Variants in MAP7 observed in about 807,000 individuals in gnomAD.
The protein encoded by MAP7 is microtubule associated protein 7.
A neutral mutation model predicts 94.8 loss-of-function variants in MAP7; 52 were observed. That is an observed-to-expected ratio of 0.55 (90% CI 0.44 to 0.69). The LOEUF (loss-of-function observed/expected upper bound fraction) is 0.69, where lower values mean the gene tolerates loss of function less well. Among genes scored for constraint, MAP7 ranks in the 30% least tolerant of loss-of-function variants. The probability of loss-of-function intolerance (pLI) is 0.00; values close to 1 mark genes in which losing one functional copy is unlikely to be tolerated. For missense variants in MAP7, 940 were observed against 964.6 expected, an observed-to-expected ratio of 0.97 and a Z score of 0.34; for synonymous variants, 350 against 357.0, an observed-to-expected ratio of 0.98 and a Z score of 0.22.
chr6:136,392,378 C>T (rs1041368014), intron 3 of MAP7, among the ~76,000 whole-genome samples: 2 of 144,944 alleles, frequency 1.4e-5, no homozygotes, highest in Non-Finnish European at 3.0e-5. Flanking sequence ...CGCACCCAGC[C>T]TGCATCTTGC....
chr6:136,525,247 T>C (rs910149843), intron 1 of MAP7, among the ~76,000 whole-genome samples: 7 of 152,180 alleles, frequency 4.6e-5, no homozygotes, highest in African/African-American at 1.7e-4. Flanking sequence ...TCATCAACAG[T>C]TATACAACCT....
rs41534050 is a variant in MAP7 at position 136,501,921 on chromosome 6, C to T, written c.67+48421G>A. On this transcript the variant is annotated intron_variant, in intron 1 of 17. Coordinates refer to ENST00000354570, the MANE Select transcript of MAP7 (RefSeq NM_003980.6). ...GCTGCAGAATAAGGAAAGATTCCTCCTGTGAATTCAGAGGGCCACAGGCAG... is the reference window on the plus strand; with the variant it reads ...GCTGCAGAATAAGGAAAGATTCCTCTTGTGAATTCAGAGGGCCACAGGCAG... 6.7e-3 allele frequency among the ~76,000 whole-genome samples: 1,024 copies of T among 152,288 alleles called. 13 individuals are homozygous for T. The highest frequency in any genetic ancestry group is 0.024 in the African/African-American group (979 of 41,562).
intron 1 of MAP7, among the ~76,000 whole-genome samples, chr6:136,434,425 T>C (rs888866318): frequency 3.3e-5 from 5 of 151,234 alleles, no homozygotes; most frequent in South Asian, 2.1e-4. Context: ...AACAAAGAAA[T>C]AGGACCAAGC....
intron 1 of MAP7, among the ~76,000 whole-genome samples, chr6:136,471,097 G>A (rs1470470717): frequency 6.6e-6 from 1 of 152,100 alleles, no homozygotes; most frequent in Non-Finnish European, 1.5e-5. Flanking sequence ...TTTTATTTAT[G>A]GTTATAGAAA....
chr6:136,360,045 A>C lies in MAP7; in HGVS notation c.1804-14T>G. The C allele has an allele frequency of 6.2e-7, 1 of 1,603,464 alleles. No homozygotes were observed. The highest frequency in any genetic ancestry group is 2.2e-5 in the East Asian group (1 of 44,828). On this transcript the variant is annotated splice_polypyrimidine_tract_variant and intron_variant, in intron 13 of 17. Coordinates refer to ENST00000354570, the MANE Select transcript of MAP7 (RefSeq NM_003980.6). ...CTCCTCAAGTCGCTATAGGAAAGGA[A>C]GAATTGAGCAAGAAGATTAGACACA...
intron 1 of MAP7, among the ~76,000 whole-genome samples, chr6:136,535,136 C>T (rs951392997): frequency 6.6e-6 from 1 of 152,176 alleles, no homozygotes; most frequent in Non-Finnish European, 1.5e-5. Context: ...GTGACTGGAT[C>T]ATGGCGGTGC....
At chr6:136,419,858 C>T (rs999469441) in intron 2 of MAP7, 2 of 407,732 alleles carry the variant, frequency 4.9e-6, no homozygotes, top group South Asian at 3.2e-5. Flanking sequence ...CAGTTTTTGT[C>T]ACATATTAAA....
chr6:136,519,229 C>T (rs1449138178), intron 1 of MAP7, among the ~76,000 whole-genome samples: 2 of 152,100 alleles, frequency 1.3e-5, no homozygotes, highest in African/African-American at 4.8e-5. Context: ...ATCTCTTCAG[C>T]AAATAAAAGT....
At chr6:136,470,829 C>T (rs1808734235) in intron 1 of MAP7, among the ~76,000 whole-genome samples, 1 of 151,496 alleles carries the variant, frequency 6.6e-6, no homozygotes, top group Non-Finnish European at 1.5e-5. Flanking sequence ...TATGGATAGG[C>T]TAAGCACTTC....
chr6:136,353,406 AAGC>A (rs1217303990), intron 16 of MAP7, among the ~76,000 whole-genome samples: 2 of 152,208 alleles, frequency 1.3e-5, no homozygotes, highest in African/African-American at 4.8e-5. Context: ...AGGGGTTTTA[AAGC>A]AGTTCAAACA....
At chr6:136,483,375 G>A (rs1583037377) in intron 1 of MAP7, among the ~76,000 whole-genome samples, 3 of 151,920 alleles carry the variant, frequency 2.0e-5, no homozygotes, top group Admixed American at 2.0e-4. Context: ...AAGGGCGGGA[G>A]GGGGGTGAGG....
At chr6:136,367,527 A>C (rs1448254156) in intron 8 of MAP7, among the ~76,000 whole-genome samples, 1 of 151,604 alleles carries the variant, frequency 6.6e-6, no homozygotes, top group Admixed American at 6.6e-5. Flanking sequence ...GCTTCCCTCC[A>C]TTTTCCTTAG....
intron 1 of MAP7, among the ~76,000 whole-genome samples, chr6:136,474,807 C>T (rs1810327011): frequency 6.6e-6 from 1 of 151,832 alleles, no homozygotes; most frequent in South Asian, 2.1e-4. Context: ...CAATCTCTCC[C>T]TGGGCTCAAG....
chr6:136,372,725 A>T, intron 7 of MAP7, 100 bp from the exon 8 acceptor site: 1 of 1,473,004 alleles, frequency 6.8e-7, no homozygotes, highest in African/African-American at 1.4e-5. Flanking sequence ...CAGGTTCAGG[A>T]AAAGGAGCAA....
intron 12 of MAP7, 78 bp from the exon 13 acceptor site, chr6:136,360,876 G>C: frequency 6.4e-7 from 1 of 1,570,032 alleles, no homozygotes; most frequent in Non-Finnish European, 8.7e-7. Flanking sequence ...CCAGAGGTGG[G>C]GGCGAGGTGG....
At chr6:136,518,738 C>T (rs1052469035) in intron 1 of MAP7, among the ~76,000 whole-genome samples, 4 of 152,166 alleles carry the variant, frequency 2.6e-5, no homozygotes, top group Admixed American at 6.6e-5. Context: ...ATTAAAGTTG[C>T]TCTTGGAGAC....
intron 1 of MAP7, among the ~76,000 whole-genome samples, chr6:136,454,402 G>A (rs1244888510): frequency 1.3e-5 from 2 of 151,824 alleles, no homozygotes; most frequent in South Asian, 2.1e-4. Flanking sequence ...GACCGCCTGG[G>A]CTCAAGCGAT....
At chr6:136,411,957 A>G (rs1787616641) in intron 2 of MAP7, among the ~76,000 whole-genome samples, 2 of 152,204 alleles carry the variant, frequency 1.3e-5, no homozygotes, top group Admixed American at 6.5e-5. Flanking sequence ...ATTTTCATCA[A>G]ACAATATAAA....
intron 1 of MAP7, among the ~76,000 whole-genome samples, chr6:136,459,179 C>T (rs1246518841): frequency 1.3e-5 from 2 of 151,982 alleles, no homozygotes; most frequent in South Asian, 2.1e-4. Context: ...CAGGAAAATC[C>T]AAATTAAAAT....
Sources: gnomAD v4.1 joint callset for allele counts (sites outside exome capture counted in the v4.1 genomes callset) on GRCh38, gnomAD v4.1.1 for gene constraint, MANE v1.5 for transcripts, NCBI Gene and HGNC (gene_info 2026-07-23, HGNC 2026-07-21) for gene names.